The following F13A1 variants were observed in gnomAD, a reference collection of about 807,000 sequenced individuals.
F13A1 encodes FSF, A subunit.
In F13A1, 47 loss-of-function variants were observed where a neutral mutation model predicts 80.1. The ratio of observed to expected loss-of-function variants is 0.59; its 90% confidence interval spans 0.46 to 0.75. The LOEUF is 0.75. F13A1 is among the 30% of genes least tolerant of loss of function. The probability of loss-of-function intolerance (pLI) is 0.00; values close to 1 mark genes in which losing one functional copy is unlikely to be tolerated. For missense variants in F13A1, 817 were observed against 930.4 expected (o/e 0.88, Z 1.59); for synonymous variants, 349 against 344.9 (o/e 1.01, Z -0.13).
intron 12 of F13A1, 129 bp downstream of exon 12, chr6:6,174,451 T>C (rs758849713): frequency 9.8e-7 from 1 of 1,024,754 alleles, no homozygotes; most frequent in African/African-American, 1.6e-5. Context: ...GTTCTCCCTG[T>C]GAGGCTCACA....
At chr6:6,262,581 C>T (rs543150795) in intron 4 of F13A1, among the ~76,000 whole-genome samples, 66 of 152,242 alleles carry the variant, frequency 4.3e-4, no homozygotes, top group African/African-American at 1.5e-3. Flanking sequence ...AGCACCCTCC[C>T]GGCATGTCCC....
intron 3 of F13A1, among the ~76,000 whole-genome samples, chr6:6,294,587 CAT>C (rs948121055): frequency 6.6e-6 from 1 of 151,716 alleles, no homozygotes; most frequent in Non-Finnish European, 1.5e-5. Context: ...CACACACACA[CAT>C]ATATATATCC....
intron 6 of F13A1, among the ~76,000 whole-genome samples, chr6:6,233,295 G>T (rs1186598101): frequency 6.6e-6 from 1 of 151,978 alleles, no homozygotes; most frequent in African/African-American, 2.4e-5. Flanking sequence ...AAATACAAAA[G>T]ATCATTCAAG....
intron 6 of F13A1, among the ~76,000 whole-genome samples, chr6:6,247,881 T>A (rs1757575610): frequency 6.6e-6 from 1 of 152,268 alleles, no homozygotes; most frequent in African/African-American, 2.4e-5. Context: ...TAGGATGAGA[T>A]GTAGCCATTC....
chr6:6,240,910 G>A (rs2113087778), intron 6 of F13A1, among the ~76,000 whole-genome samples: 1 of 152,032 alleles, frequency 6.6e-6, no homozygotes, highest in South Asian at 2.1e-4. Flanking sequence ...AACTTTAATG[G>A]TTTTCTAAAA....
intron 1 of F13A1, among the ~76,000 whole-genome samples, chr6:6,319,197 G>T (rs1758733450): frequency 1.3e-5 from 2 of 152,190 alleles, no homozygotes; most frequent in African/African-American, 4.8e-5. Flanking sequence ...CCTATGACAT[G>T]CCAGGCTGTG....
chr6:6,257,956 A>AT (rs1038867089), intron 4 of F13A1, among the ~76,000 whole-genome samples: 4 of 151,972 alleles, frequency 2.6e-5, no homozygotes, highest in Admixed American at 6.6e-5. Flanking sequence ...GTATGCTTTA[A>AT]TTTTTTTTCC....
At chr6:6,206,060 TG>T (rs1761483374) in intron 8 of F13A1, among the ~76,000 whole-genome samples, 1 of 152,180 alleles carries the variant, frequency 6.6e-6, no homozygotes, top group Non-Finnish European at 1.5e-5. Flanking sequence ...AAAAGTCTAA[TG>T]TATAAAAAAG....
intron 10 of F13A1, among the ~76,000 whole-genome samples, chr6:6,191,992 C>A (rs1761210265): frequency 6.6e-6 from 1 of 152,200 alleles, no homozygotes; most frequent in Admixed American, 6.5e-5. Flanking sequence ...AGAGCAGAGA[C>A]TTGAATGCAG....
chr6:6,214,004 T>C (rs1761672981), intron 8 of F13A1, among the ~76,000 whole-genome samples: 1 of 125,142 alleles, frequency 8.0e-6, no homozygotes, highest in Non-Finnish European at 1.7e-5. Context: ...ATGCACCCAA[T>C]ACAGGAGCAC....
chr6:6,297,679 T>G (rs9986518), intron 3 of F13A1, among the ~76,000 whole-genome samples: 40,472 of 144,556 alleles, frequency 0.28, 6,943 homozygotes, highest in African/African-American at 0.5. Flanking sequence ...TCAATTTTGT[T>G]GATCCTTTCA....
intron 3 of F13A1, among the ~76,000 whole-genome samples, chr6:6,296,067 A>G (rs1170790979): frequency 1.6e-4 from 23 of 145,744 alleles, no homozygotes; most frequent in Middle Eastern, 3.5e-3. Flanking sequence ...GATATGTGGC[A>G]TTATTTCTGA....
intron 3 of F13A1, among the ~76,000 whole-genome samples, chr6:6,281,993 CA>C (rs10584369): frequency 0.02 from 1,901 of 93,332 alleles, 12 homozygotes; most frequent in African/African-American, 0.034. Flanking sequence ...GACTCCGTCT[CA>C]AAAAAAAAAA....
chr6:6,259,447 TATTAA>T (rs1035088067), intron 4 of F13A1, among the ~76,000 whole-genome samples: 2 of 152,218 alleles, frequency 1.3e-5, no homozygotes, highest in Non-Finnish European at 2.9e-5. Flanking sequence ...GATTTCTTCA[TATTAA>T]ATTAAATTGA....
intron 2 of F13A1, among the ~76,000 whole-genome samples, chr6:6,317,347 A>G (rs185367861): frequency 7.9e-5 from 12 of 152,264 alleles, no homozygotes; most frequent in African/African-American, 9.6e-5. Flanking sequence ...GGGGTTTTAG[A>G]GAGTGGCATC....
In F13A1 at chr6:6,243,131, C is replaced by T. The variant is rs1053775638; in HGVS notation, c.798+5181G>A. On this transcript the variant is annotated intron_variant, in intron 6 of 14. Coordinates refer to ENST00000264870, the MANE Select transcript of F13A1 (RefSeq NM_000129.4). This position sits in a 1 kb window ranked among gnomAD's most constrained non-coding sequence, Gnocchi z 4.2. ...ACCACCACCACTACCACTATCACCACCATCATAAATCACCACCACCACCAC... is the reference window on the plus strand; with the variant it reads ...ACCACCACCACTACCACTATCACCATCATCATAAATCACCACCACCACCAC... 6.6e-6 allele frequency among the ~76,000 whole-genome samples: 1 copy of T among 151,694 alleles called. No homozygotes were observed. Among genetic ancestry groups the T allele is most frequent in the African/African-American group, 2.4e-5 (1 of 41,272 alleles).
intron 6 of F13A1, among the ~76,000 whole-genome samples, chr6:6,233,545 T>C (rs1275016045): frequency 6.6e-6 from 1 of 152,056 alleles, no homozygotes; most frequent in Non-Finnish European, 1.5e-5. Context: ...ACCAATCCTT[T>C]TGACACTATT....
intron 2 of F13A1, among the ~76,000 whole-genome samples, chr6:6,307,609 T>A (rs1039933657): frequency 3.3e-5 from 5 of 152,180 alleles, no homozygotes; most frequent in Non-Finnish European, 7.4e-5. Context: ...TCATCAGTTC[T>A]CCGTTTACCA....
Position 6,145,563 on chromosome 6 carries a change from C to T in F13A1, c.*56G>A. ...AGAGCTATTTTTGCGTTAGAATTTC[C>T]TTAGCCAAGACTACAAGAGGCCAAA... On this transcript the variant is annotated 3_prime_UTR_variant, in exon 15 of 15. Transcript: ENST00000264870. 1 of 1,612,716 alleles carries T rather than the reference C, an allele frequency of 6.2e-7. No homozygotes were observed. The highest frequency in any genetic ancestry group is 1.7e-5 in the Admixed American group (1 of 60,004).
Sources: allele counts gnomAD v4.1 joint callset (sites outside exome capture counted in the v4.1 genomes callset), GRCh38; gene constraint gnomAD v4.1.1; non-coding constraint Gnocchi (gnomAD v3.1); transcripts MANE v1.5; gene names NCBI Gene and HGNC (gene_info 2026-07-23, HGNC 2026-07-21).